Variants in SORBS2 observed in about 807,000 individuals in gnomAD.
The protein encoded by SORBS2 is sorbin and SH3 domain-containing protein 2.
Under a neutral mutation model 97.7 loss-of-function variants are expected in SORBS2, and 46 were observed. The observed-to-expected ratio is 0.47, with a 90% CI of 0.37 to 0.60. The LOEUF is 0.60. SORBS2 is among the 20% of genes least tolerant of loss of function. SORBS2 has a pLI of 0.00. For synonymous variants in SORBS2, 476 were observed against 473.4 expected, an observed-to-expected ratio of 1.01 and a Z score of -0.07; for missense variants, 1,316 against 1,282.3, an observed-to-expected ratio of 1.03 and a Z score of -0.40.
intron 6 of SORBS2, among the ~76,000 whole-genome samples, chr4:185,626,257 G>A (rs949750944): frequency 6.6e-6 from 1 of 152,242 alleles, no homozygotes; most frequent in Non-Finnish European, 1.5e-5. Flanking sequence ...ACTGTGAGCT[G>A]CTGTGAATTG....
chr4:185,763,046 G>A (rs28563791), intron 2 of SORBS2, among the ~76,000 whole-genome samples: 39,343 of 151,872 alleles, frequency 0.26, 5,352 homozygotes, highest in Admixed American at 0.34. Context: ...AAAATTAGCT[G>A]GGTGTGGTGG....
At chr4:185,746,045 G>C (rs2153591960) in intron 2 of SORBS2, among the ~76,000 whole-genome samples, 1 of 152,334 alleles carries the variant, frequency 6.6e-6, no homozygotes, top group South Asian at 2.1e-4. Flanking sequence ...ATAACAAAGT[G>C]ACAGAAGCAT....
At chr4:185,602,240 C>T (rs182701958) in intron 12 of SORBS2, among the ~76,000 whole-genome samples, 1 of 152,134 alleles carries the variant, frequency 6.6e-6, no homozygotes, top group African/African-American at 2.4e-5. Flanking sequence ...GAACTCCTGA[C>T]CTTGTGATCC....
intron 1 of SORBS2, among the ~76,000 whole-genome samples, chr4:185,783,170 G>A (rs188840999): frequency 6.6e-6 from 1 of 152,204 alleles, no homozygotes; most frequent in African/African-American, 2.4e-5. Flanking sequence ...CCCAATGAAG[G>A]ACAGTTGACC....
chr4:185,937,477 G>A (rs1334020706), intron 1 of SORBS2, among the ~76,000 whole-genome samples: 2 of 152,138 alleles, frequency 1.3e-5, no homozygotes, highest in African/African-American at 4.8e-5. Context: ...AGGTTGATGG[G>A]CACTAAAGTG....
At chr4:185,748,035 T>C (rs1429137036) in intron 2 of SORBS2, among the ~76,000 whole-genome samples, 1 of 152,044 alleles carries the variant, frequency 6.6e-6, no homozygotes, top group Non-Finnish European at 1.5e-5. Flanking sequence ...TGCTCACATT[T>C]CTCCCTGGCT....
chr4:185,933,018 C>T (rs968641644), intron 1 of SORBS2: 1 of 152,226 alleles, frequency 6.6e-6, no homozygotes, highest in East Asian at 1.9e-4. Context: ...AAGTGTTTCA[C>T]ATCATTACAA....
intron 2 of SORBS2, among the ~76,000 whole-genome samples, chr4:185,728,713 C>T (rs1273199142): frequency 1.3e-5 from 2 of 152,190 alleles, no homozygotes; most frequent in Admixed American, 6.5e-5. Context: ...AGATGCAATG[C>T]TATTTTCTTC....
At chr4:185,604,382 A>G (rs55752827) in intron 12 of SORBS2, among the ~76,000 whole-genome samples, 4,320 of 152,244 alleles carry the variant, frequency 0.028, 209 homozygotes, top group African/African-American at 0.098. Flanking sequence ...TGATAAGAAT[A>G]TTTAGGGAGG....
chr4:185,709,791 C>T (rs1341809574), intron 2 of SORBS2: 1 of 152,254 alleles, frequency 6.6e-6, no homozygotes, highest in Non-Finnish European at 1.5e-5. Flanking sequence ...CTTCATCTGA[C>T]ATTGAATCTA....
At chr4:185,928,496 G>A (rs1433310138) in intron 1 of SORBS2, among the ~76,000 whole-genome samples, 2 of 152,190 alleles carry the variant, frequency 1.3e-5, no homozygotes, top group South Asian at 2.1e-4. Flanking sequence ...CACTGCGGGA[G>A]AGTCAGGCAC....
intron 4 of SORBS2, among the ~76,000 whole-genome samples, chr4:185,641,769 A>C (rs1274075014): frequency 6.6e-6 from 1 of 151,820 alleles, no homozygotes; most frequent in African/African-American, 2.4e-5. Flanking sequence ...TTAAAAAAAA[A>C]AAAAAACCCA....
At chr4:185,861,853 T>C (rs1040529260) in intron 1 of SORBS2, among the ~76,000 whole-genome samples, 4 of 152,128 alleles carry the variant, frequency 2.6e-5, no homozygotes, top group Non-Finnish European at 4.4e-5. Context: ...TGCCTCAGTC[T>C]CCCAAAGTGC....
intron 2 of SORBS2, among the ~76,000 whole-genome samples, chr4:185,768,074 G>A (rs1487387083): frequency 6.6e-6 from 1 of 152,102 alleles, no homozygotes; most frequent in Non-Finnish European, 1.5e-5. Context: ...TATACGCCCA[G>A]CTCCCAATTC....
chr4:185,950,108 TG>T (rs1463569361), intron 1 of SORBS2, among the ~76,000 whole-genome samples: 4 of 152,164 alleles, frequency 2.6e-5, no homozygotes, highest in African/African-American at 7.2e-5. Flanking sequence ...AAAAATTAGC[TG>T]GGCATGGTGA....
At chr4:185,668,481 T>C (rs2097654465) in intron 4 of SORBS2, among the ~76,000 whole-genome samples, 1 of 152,208 alleles carries the variant, frequency 6.6e-6, no homozygotes, top group South Asian at 2.1e-4. Flanking sequence ...ACACTTAAAT[T>C]TCTACAGATA....
At chr4:185,638,083 C>T (rs750691260) in intron 4 of SORBS2, 18 of 1,575,786 alleles carry the variant, frequency 1.1e-5, no homozygotes, top group South Asian at 5.5e-5. Context: ...ACTTACCGGG[C>T]GTCCAAACTC....
intron 1 of SORBS2, among the ~76,000 whole-genome samples, chr4:185,837,919 C>T (rs907110692): frequency 3.3e-5 from 5 of 151,366 alleles, no homozygotes; most frequent in African/African-American, 1.2e-4. Context: ...TGGGCCAGTC[C>T]CACCTCTTCC....
chr4:185,635,592 C>T (rs974904107), intron 4 of SORBS2, among the ~76,000 whole-genome samples, 181 bp from the exon 16 acceptor site: 3 of 152,164 alleles, frequency 2.0e-5, no homozygotes, highest in African/African-American at 7.2e-5. Context: ...AGGAAGTGTG[C>T]AACGTCTGCA....
Sources: gnomAD v4.1 joint callset for allele counts (sites outside exome capture counted in the v4.1 genomes callset) on GRCh38, gnomAD v4.1.1 for gene constraint, MANE v1.5 for transcripts, NCBI Gene and HGNC (gene_info 2026-07-23, HGNC 2026-07-21) for gene names.